Variants in BLTP3B observed in about 807,000 individuals in gnomAD.
BLTP3B encodes the protein bridge-like lipid transfer protein family member 3B.
the BLTP3B span, among the ~76,000 whole-genome samples, chr12:100,096,250 T>A: frequency 6.7e-6 from 1 of 148,784 alleles, no homozygotes. Flanking sequence ...AGAAACTCTG[T>A]CTCAAAAAAA....
the BLTP3B span, among the ~76,000 whole-genome samples, chr12:100,125,098 G>A: frequency 5.0e-4 from 75 of 149,074 alleles, no homozygotes; most frequent in South Asian, 0.014. Flanking sequence ...CTGGGAGGCC[G>A]AGATGGGCGG....
At chr12:100,063,606 T>C in the BLTP3B span, among the ~76,000 whole-genome samples, 1 of 150,406 alleles carries the variant, frequency 6.6e-6, no homozygotes, top group Non-Finnish European at 1.5e-5. Context: ...CTCGGGAGGC[T>C]GAGGCGGGAG....
the BLTP3B span, among the ~76,000 whole-genome samples, chr12:100,048,771 AGTGTGTGTGTGTGTGTGTGTGTGTGT>A: frequency 4.3e-5 from 5 of 114,980 alleles, no homozygotes; most frequent in African/African-American, 6.7e-5. Flanking sequence ...AGTGAGAGTG[AGTGTGTGTGTGTGTGTGTGTGTGTGT>A]GTGTGTGTGT....
chr12:100,071,726 G>A, the BLTP3B span, among the ~76,000 whole-genome samples: 1 of 151,976 alleles, frequency 6.6e-6, no homozygotes, highest in Non-Finnish European at 1.5e-5. Context: ...AATGCTAAAA[G>A]TTGCCCAAAG....
At chr12:100,096,814 C>A in the BLTP3B span, among the ~76,000 whole-genome samples, 1 of 151,802 alleles carries the variant, frequency 6.6e-6, no homozygotes, top group Admixed American at 6.6e-5. Flanking sequence ...GAGCAAGACC[C>A]CAACTCCAAA....
At chr12:100,077,152 A>T in the BLTP3B span, among the ~76,000 whole-genome samples, 1 of 152,212 alleles carries the variant, frequency 6.6e-6, no homozygotes, top group Non-Finnish European at 1.5e-5. Flanking sequence ...ATCCCATAAG[A>T]TTATAACACA....
At chr12:100,050,129 A>T in the BLTP3B span, 1 of 1,422,760 alleles carries the variant, frequency 7.0e-7, no homozygotes, top group African/African-American at 1.5e-5. Context: ...AACATATTAA[A>T]CCATTGTATA....
the BLTP3B span, among the ~76,000 whole-genome samples, chr12:100,094,782 C>G: frequency 6.6e-6 from 1 of 152,154 alleles, no homozygotes; most frequent in Non-Finnish European, 1.5e-5. Context: ...ATTGCTTGAA[C>G]CTGGGAGGTG....
chr12:100,057,606 C>T, the BLTP3B span: 2 of 1,610,692 alleles, frequency 1.2e-6, no homozygotes, highest in South Asian at 2.2e-5. Context: ...ACTTCCATCA[C>T]TTTCTAATAA....
chr12:100,093,392 G>A, the BLTP3B span, among the ~76,000 whole-genome samples: 1 of 146,976 alleles, frequency 6.8e-6, no homozygotes, highest in African/African-American at 2.6e-5. Flanking sequence ...TTACCTGCCA[G>A]GATTCACAAA....
the BLTP3B span, among the ~76,000 whole-genome samples, chr12:100,138,542 C>T: frequency 6.6e-6 from 1 of 152,242 alleles, no homozygotes; most frequent in Non-Finnish European, 1.5e-5. Flanking sequence ...TTACCCTCCC[C>T]TCCAAGTCTT....
At chr12:100,043,823 A>G in the BLTP3B span, among the ~76,000 whole-genome samples, 3 of 152,190 alleles carry the variant, frequency 2.0e-5, no homozygotes, top group African/African-American at 7.2e-5. Flanking sequence ...AGGAATGCCC[A>G]TATTATTCAT....
chr12:100,124,604 G>A, the BLTP3B span, among the ~76,000 whole-genome samples: 1 of 151,878 alleles, frequency 6.6e-6, no homozygotes, highest in Admixed American at 6.6e-5. Context: ...AATTAGCTGG[G>A]CGTGATGGCA....
At chr12:100,096,352 C>T in the BLTP3B span, among the ~76,000 whole-genome samples, 7 of 151,978 alleles carry the variant, frequency 4.6e-5, no homozygotes, top group African/African-American at 1.7e-4. Flanking sequence ...CAGACAAATC[C>T]TTGTACCTTA....
At chr12:100,134,843 A>G in the BLTP3B span, among the ~76,000 whole-genome samples, 1 of 152,152 alleles carries the variant, frequency 6.6e-6, no homozygotes, top group Non-Finnish European at 1.5e-5. Context: ...CTGTCGGTCA[A>G]TCCTGCCTTT....
At chr12:100,108,643 G>T in the BLTP3B span, 9 of 1,023,690 alleles carry the variant, frequency 8.8e-6, no homozygotes, top group Non-Finnish European at 1.2e-5. Context: ...AATATAATAG[G>T]AGTGGACACA....
the BLTP3B span, chr12:100,059,205 G>A: frequency 1.7e-5 from 27 of 1,614,014 alleles, no homozygotes; most frequent in Middle Eastern, 1.6e-4. Flanking sequence ...CCAAACATCC[G>A]TGGCAGCAGA....
At chr12:100,060,925 G>C in the BLTP3B span, among the ~76,000 whole-genome samples, 34 of 152,118 alleles carry the variant, frequency 2.2e-4, no homozygotes, top group African/African-American at 7.2e-4. Context: ...ACAATGTCCT[G>C]AATATGGTTT....
chr12:100,140,895 T>C, the BLTP3B span, among the ~76,000 whole-genome samples: 1 of 151,078 alleles, frequency 6.6e-6, no homozygotes, highest in Non-Finnish European at 1.5e-5. Context: ...TAAGAGCCCC[T>C]CTCAAATGGA....
Sources: gnomAD v4.1 joint callset for allele counts (sites outside exome capture counted in the v4.1 genomes callset) on GRCh38, gnomAD v4.1.1 for gene constraint, MANE v1.5 for transcripts, NCBI Gene and HGNC (gene_info 2026-07-23, HGNC 2026-07-21) for gene names.